Variants in AREL1 observed in about 807,000 individuals in gnomAD.
AREL1 encodes the protein apoptosis resistant E3 ubiquitin protein ligase 1.
A neutral mutation model predicts 99.0 loss-of-function variants in AREL1; 62 were observed. That is an observed-to-expected ratio of 0.63 (90% CI 0.51 to 0.77). The LOEUF (loss-of-function observed/expected upper bound fraction) is 0.77, where lower values mean the gene tolerates loss of function less well. Among genes scored for constraint, AREL1 ranks in the 30% least tolerant of loss-of-function variants. AREL1 has a pLI of 0.00. For synonymous variants in AREL1, 380 were observed against 376.5 expected (o/e 1.01, Z -0.11); for missense variants, 879 against 1,027.6 (o/e 0.86, Z 1.98).
intron 1 of AREL1, among the ~76,000 whole-genome samples, chr14:74,705,963 T>C (rs1391635809): frequency 6.6e-6 from 1 of 152,220 alleles, no homozygotes; most frequent in East Asian, 1.9e-4. Flanking sequence ...GAATTTACCA[T>C]TGCTCATTTT....
intron 1 of AREL1, among the ~76,000 whole-genome samples, chr14:74,692,965 TC>T (rs975641110): frequency 6.6e-5 from 10 of 152,202 alleles, no homozygotes; most frequent in African/African-American, 2.4e-4. Flanking sequence ...TGCCTTGGCC[TC>T]CCAAAGTGCT....
At chr14:74,667,726 ATTCAGCTT>A in intron 15 of AREL1, 132 bp from the exon 16 acceptor site, 1 of 1,208,244 alleles carries the variant, frequency 8.3e-7, no homozygotes. Flanking sequence ...TCTGCTGTGC[ATTCAGCTT>A]TTCAACACAC....
chr14:74,683,671 CCTG>C (rs2139918436), intron 4 of AREL1, 138 bp from the exon 5 acceptor site: 1 of 704,960 alleles, frequency 1.4e-6, no homozygotes, highest in South Asian at 1.8e-5. Context: ...TCCTCACAGT[CCTG>C]CTCACAAAAA....
At chr14:74,678,691 T>C (rs1366989615) in intron 5 of AREL1, among the ~76,000 whole-genome samples, 1 of 41,052 alleles carries the variant, frequency 2.4e-5, no homozygotes, top group African/African-American at 9.7e-5. Flanking sequence ...AAGACATGTA[T>C]AAGCAAAAAA....
At chr14:74,705,445 C>A (rs1566705584) in intron 1 of AREL1, among the ~76,000 whole-genome samples, 1 of 152,052 alleles carries the variant, frequency 6.6e-6, no homozygotes, top group Non-Finnish European at 1.5e-5. Flanking sequence ...AGGTTTTAGT[C>A]CCTCACTTCT....
At chr14:74,679,827 C>CA (rs987646740) in intron 5 of AREL1, among the ~76,000 whole-genome samples, 4 of 146,908 alleles carry the variant, frequency 2.7e-5, no homozygotes, top group Non-Finnish European at 6.0e-5. Flanking sequence ...GACTCCATCT[C>CA]AAAAAAAAGA....
At chr14:74,679,186 C>T (rs1444764564) in intron 5 of AREL1, among the ~76,000 whole-genome samples, 2 of 152,172 alleles carry the variant, frequency 1.3e-5, no homozygotes, top group African/African-American at 4.8e-5. Context: ...AAAACATGTG[C>T]TCTGTGAATA....
intron 5 of AREL1, among the ~76,000 whole-genome samples, chr14:74,681,456 G>T (rs911604928): frequency 6.7e-6 from 1 of 149,776 alleles, no homozygotes; most frequent in Non-Finnish European, 1.5e-5. Flanking sequence ...GAATAGATTC[G>T]TGGGTTGCCA....
At chr14:74,670,278 C>T in intron 13 of AREL1, 152 bp from the exon 14 acceptor site, 1 of 653,214 alleles carries the variant, frequency 1.5e-6, no homozygotes, top group Non-Finnish European at 2.4e-6. Flanking sequence ...GTAGCCACCA[C>T]TGAGTAATTC....
chr14:74,685,274 C>A (rs1441413715), intron 3 of AREL1, among the ~76,000 whole-genome samples: 2 of 152,144 alleles, frequency 1.3e-5, no homozygotes, highest in Non-Finnish European at 2.9e-5. Context: ...CTTTTCTGGG[C>A]TCCTTCAAAC....
At chr14:74,695,321 T>A (rs1444915371) in intron 1 of AREL1, among the ~76,000 whole-genome samples, 2 of 151,938 alleles carry the variant, frequency 1.3e-5, no homozygotes, top group Non-Finnish European at 2.9e-5. Flanking sequence ...CACAGGTGAT[T>A]CGCCCGCCTC....
At chr14:74,665,655 G>C (rs997032108) in intron 17 of AREL1, among the ~76,000 whole-genome samples, 1 of 152,054 alleles carries the variant, frequency 6.6e-6, no homozygotes, top group East Asian at 1.9e-4. Flanking sequence ...GCCTCTACTT[G>C]ATCAGATACA....
intron 5 of AREL1, 82 bp downstream of exon 5, chr14:74,683,214 A>G: frequency 2.1e-6 from 2 of 955,776 alleles, no homozygotes; most frequent in Non-Finnish European, 3.1e-6. Flanking sequence ...CAATAAAGGT[A>G]TTATTTTTAA....
At chr14:74,667,164 G>A (rs917445565) in intron 17 of AREL1, among the ~76,000 whole-genome samples, 155 bp downstream of exon 17, 1 of 152,170 alleles carries the variant, frequency 6.6e-6, no homozygotes, top group African/African-American at 2.4e-5. Context: ...TTTAAAGGCT[G>A]AAGGGTCAAT....
chr14:74,661,605 GAA>G lies in AREL1; in HGVS notation c.*2113_*2114del, dbSNP rs34192596. 0.3 allele frequency: 52,419 copies of G among 172,598 alleles called. 9,364 individuals carry two copies. The highest frequency in any genetic ancestry group is 0.53 in the African/African-American group (21,561 of 40,548). The allele number at this position is 172,598 out of a possible 1,614,324, so 10.7% of individuals were successfully genotyped here. A position where few individuals can be genotyped will look rare whatever the true frequency, so the allele number is the denominator to read the frequency against. ...ACTGGCTAGTATGAAAGCAGGATTA[GAA>G]AAAAAAAAAACAAAACAGTAAAAGA... On this transcript the variant is annotated 3_prime_UTR_variant, in exon 20 of 20. Transcript: ENST00000356357.
At chr14:74,674,829 A>C (rs1325858174) in intron 8 of AREL1, among the ~76,000 whole-genome samples, 1 of 152,110 alleles carries the variant, frequency 6.6e-6, no homozygotes, top group Non-Finnish European at 1.5e-5. Context: ...ACCCATACAC[A>C]CTGCTTTATA....
At chr14:74,685,566 AAATAT>A (rs767788047) in intron 3 of AREL1, 29 bp downstream of exon 3, 65 of 1,613,146 alleles carry the variant, frequency 4.0e-5, no homozygotes, top group Middle Eastern at 1.6e-4. Context: ...ACCTTTACAA[AAATAT>A]AATAGAGAGA....
intron 2 of AREL1, among the ~76,000 whole-genome samples, chr14:74,686,657 A>G (rs2139928423): frequency 6.6e-6 from 1 of 152,310 alleles, no homozygotes; most frequent in East Asian, 1.9e-4. Flanking sequence ...AGGGACCAAA[A>G]CAACTTTTTT....
chr14:74,683,279 A>G lies in AREL1; in HGVS notation c.481+17T>C, dbSNP rs760376838. On this transcript the variant is annotated intron_variant, in intron 5 of 19. Coordinates refer to ENST00000356357, the MANE Select transcript of AREL1 (RefSeq NM_001039479.2). ...GGGAAGGAGACAAAGGGAAAAAGAA[A>G]GGAAAAAAGAACCTACCAGGTTGAA... 2 of 1,570,342 alleles carry G rather than the reference A, an allele frequency of 1.3e-6. No homozygotes were observed. Among genetic ancestry groups the G allele is most frequent in the African/African-American group, 2.7e-5 (2 of 73,536 alleles).
Sources: allele counts gnomAD v4.1 joint callset (sites outside exome capture counted in the v4.1 genomes callset), GRCh38; gene constraint gnomAD v4.1.1; transcripts MANE v1.5; gene names NCBI Gene and HGNC (gene_info 2026-07-23, HGNC 2026-07-21).